Variants in GRIK2 observed in about 807,000 individuals in gnomAD.
GRIK2 encodes glutamate ionotropic receptor kainate type subunit 2.
GRIK2 carries 32 observed loss-of-function variants against 100.3 expected under a neutral mutation model. The observed-to-expected ratio is 0.32, with a 90% CI of 0.24 to 0.43. The LOEUF (loss-of-function observed/expected upper bound fraction) is 0.43. GRIK2 is among the 20% of genes least tolerant of loss of function. The pLI, the probability that GRIK2 is intolerant of heterozygous loss-of-function variation, is 1.00. For missense variants in GRIK2, 843 were observed against 1,114.9 expected, an observed-to-expected ratio of 0.76 and a Z score of 3.47; for synonymous variants, 417 against 389.4, an observed-to-expected ratio of 1.07 and a Z score of -0.83.
At chr6:101,992,246 A>G (rs944363715) in intron 14 of GRIK2, among the ~76,000 whole-genome samples, 49 of 151,624 alleles carry the variant, frequency 3.2e-4, no homozygotes, top group African/African-American at 1.1e-3. Flanking sequence ...ACACCGTTAC[A>G]TGACCTCTGA....
intron 14 of GRIK2, among the ~76,000 whole-genome samples, chr6:101,946,276 C>T (rs978541327): frequency 6.6e-6 from 1 of 151,894 alleles, no homozygotes; most frequent in African/African-American, 2.4e-5. Context: ...TGCATACACA[C>T]ACATACCTAT....
rs547696446 is a variant in GRIK2, at chr6:101,456,421, A to G, written c.115+57029A>G. On this transcript the variant is annotated intron_variant, in intron 2 of 16. Transcript: ENST00000369134. The stretch of plus-strand genomic sequence containing the variant: ...AGCTACTTGGAGGTAGGGAGTGAGG[A>G]GAGGAGGGCCATGGTGTCCACTAGT... Among the ~76,000 whole-genome samples the G allele has an allele frequency of 3.3e-4, 50 of 152,136 alleles. No homozygotes were observed. The East Asian group carries it at 9.1e-3, about 28-fold the overall frequency.
At chr6:101,883,660 G>A (rs1364406766) in intron 11 of GRIK2, among the ~76,000 whole-genome samples, 1 of 152,076 alleles carries the variant, frequency 6.6e-6, no homozygotes, top group Non-Finnish European at 1.5e-5. Context: ...ACCCCATTGC[G>A]AAAGTGACAT....
In GRIK2 at chr6:101,799,659, T is replaced by C. The variant is rs777602036; in HGVS notation, c.963T>C (p.Ala321=). 24 of 1,613,028 alleles carry C rather than the reference T, an allele frequency of 1.5e-5. No homozygotes were observed. The Middle Eastern group carries it at 9.9e-4, about 67-fold the overall frequency. ...CCCTTGCTTTTCAGACTGATGCTGC[T>C]CTAATGTATGATGCTGTGCATGTGG... is the stretch of plus-strand genomic sequence containing the variant. ...LLDGFMTTDA[A]LMYDAVHVVS... is the part of the protein sequence containing the mutation. The change falls in exon 8 of 17, where the codon GCT becomes GCC. Residue 321 remains alanine (A), a synonymous_variant. Transcript: ENST00000369134.
intron 12 of GRIK2, among the ~76,000 whole-genome samples, chr6:101,904,264 A>G (rs914723305): frequency 2.6e-5 from 4 of 151,526 alleles, no homozygotes; most frequent in Admixed American, 6.6e-5. Flanking sequence ...TGGAATTATC[A>G]GTGCTCATTT....
chr6:101,786,962 G>A (rs779931140), intron 7 of GRIK2, among the ~76,000 whole-genome samples: 19 of 151,948 alleles, frequency 1.3e-4, no homozygotes, highest in Non-Finnish European at 2.2e-4. Context: ...TTTCTTTGGT[G>A]GAAGCCATTT....
At chr6:102,044,744 C>T (rs529446866) in intron 15 of GRIK2, among the ~76,000 whole-genome samples, 8 of 151,932 alleles carry the variant, frequency 5.3e-5, no homozygotes, top group Non-Finnish European at 7.4e-5. Context: ...TCCCCTCTTC[C>T]CTACATCTAA....
chr6:101,739,315 C>T (rs1246558304), intron 7 of GRIK2, among the ~76,000 whole-genome samples: 2 of 152,184 alleles, frequency 1.3e-5, no homozygotes, highest in Non-Finnish European at 2.9e-5. Flanking sequence ...TTATTTAAAA[C>T]TCTTCCATTA....
At chr6:102,044,792 C>T (rs1016052456) in intron 15 of GRIK2, among the ~76,000 whole-genome samples, 6 of 151,918 alleles carry the variant, frequency 3.9e-5, no homozygotes, top group African/African-American at 1.4e-4. Context: ...TTCCTTCTGC[C>T]TGAGTTTACC....
chr6:101,433,049 G>A (rs1769501043), intron 2 of GRIK2, among the ~76,000 whole-genome samples: 1 of 152,140 alleles, frequency 6.6e-6, no homozygotes, highest in Admixed American at 6.5e-5. Context: ...GCTGAGTTGA[G>A]ATCTATTGGC....
chr6:101,674,202 T>G (rs1054284075), intron 4 of GRIK2, among the ~76,000 whole-genome samples: 2 of 152,280 alleles, frequency 1.3e-5, no homozygotes, highest in African/African-American at 4.8e-5. Flanking sequence ...AAACCAGGCC[T>G]ATATTTGGAA....
At position 101,543,027 on chromosome 6, in the gene GRIK2, G is replaced by A. The variant is rs143851499; in HGVS notation, c.116-78922G>A. On this transcript the variant is annotated intron_variant, in intron 2 of 16. Transcript: ENST00000369134. ...AAAAAATTTTGTTGTATAGAAAATT[G>A]GATTCTTTCCTGTGTGTGCTTTTGT... Among the ~76,000 whole-genome samples the A allele has an allele frequency of 3.2e-4, 48 of 152,080 alleles. No homozygotes were observed. The East Asian group carries it at 4.4e-3, about 14-fold the overall frequency.
At chr6:101,736,418 T>C (rs533424556) in intron 7 of GRIK2, among the ~76,000 whole-genome samples, 5 of 152,280 alleles carry the variant, frequency 3.3e-5, no homozygotes, top group African/African-American at 1.2e-4. Flanking sequence ...TGCTTGGGCA[T>C]CCAGGTGTTT....
At chr6:102,044,222 T>C (rs1770756678) in intron 15 of GRIK2, among the ~76,000 whole-genome samples, 1 of 152,108 alleles carries the variant, frequency 6.6e-6, no homozygotes, top group South Asian at 2.1e-4. Context: ...CCAATCTTTC[T>C]GATACCTAAT....
At chr6:101,906,366 C>CTGTGTGTGTGTGTGTGCG (rs1554283804) in intron 12 of GRIK2, among the ~76,000 whole-genome samples, 30 of 145,836 alleles carry the variant, frequency 2.1e-4, no homozygotes, top group Admixed American at 2.8e-4. Context: ...AAAACAAGAT[C>CTGTGTGTGTGTGTGTGCG]TGTGTGTGTG....
intron 2 of GRIK2, among the ~76,000 whole-genome samples, chr6:101,440,870 C>T (rs537186339): frequency 5.8e-4 from 86 of 148,632 alleles, no homozygotes; most frequent in Non-Finnish European, 9.4e-4. Context: ...TCAGATTCTA[C>T]GAGAAAGAAA....
intron 14 of GRIK2, among the ~76,000 whole-genome samples, chr6:102,008,531 T>G (rs1223317704): frequency 1.3e-5 from 2 of 151,894 alleles, no homozygotes; most frequent in Admixed American, 6.6e-5. Flanking sequence ...CAAAGAAGAC[T>G]CGTGTGACCC....
Position 101,991,171 on chromosome 6 carries a change from C to A in GRIK2, c.2086-44170C>A, listed in dbSNP as rs185845076. 5.7e-3 allele frequency among the ~76,000 whole-genome samples: 870 copies of A among 151,894 alleles called. 5 individuals are homozygous for A. Among genetic ancestry groups the A allele is most frequent in the Non-Finnish European group, 9.8e-3 (666 of 67,798 alleles). On this transcript the variant is annotated intron_variant, in intron 14 of 16. Transcript: ENST00000369134. The stretch of plus-strand genomic sequence containing the variant: ...GTTTCTAATGCTAGTGAGTCTCAAT[C>A]ACACAATGATTATTAATTTCACTCT...
chr6:101,865,156 G>A (rs899966904), intron 11 of GRIK2, among the ~76,000 whole-genome samples: 1 of 152,158 alleles, frequency 6.6e-6, no homozygotes, highest in South Asian at 2.1e-4. Flanking sequence ...AAGAAATTCT[G>A]TTTCAGCTTA....
Sources: allele counts gnomAD v4.1 joint callset (sites outside exome capture counted in the v4.1 genomes callset), GRCh38; gene constraint gnomAD v4.1.1; transcripts MANE v1.5; gene names NCBI Gene and HGNC (gene_info 2026-07-23, HGNC 2026-07-21).